Variants in SND1 observed in about 807,000 individuals in gnomAD.
SND1 encodes the protein staphylococcal nuclease and tudor domain containing 1.
Under a neutral mutation model 121.7 loss-of-function variants are expected in SND1, and 38 were observed. The observed-to-expected ratio is 0.31, with a 90% CI of 0.24 to 0.41. SND1 has a LOEUF of 0.41. Ranked by LOEUF, SND1 falls within the 10% of genes least tolerant of loss-of-function variation. The pLI is 1.00. For synonymous variants in SND1, 401 were observed against 447.4 expected, an observed-to-expected ratio of 0.90 and a Z score of 1.31; for missense variants, 868 against 1,184.6, an observed-to-expected ratio of 0.73 and a Z score of 3.92.
At chr7:127,928,372 G>C (rs1800891654) in intron 14 of SND1, among the ~76,000 whole-genome samples, 1 of 152,218 alleles carries the variant, frequency 6.6e-6, no homozygotes, top group Middle Eastern at 3.4e-3. Flanking sequence ...CTGTACTAGT[G>C]CCTGGAGAAG....
In SND1 at chr7:127,820,348, T is replaced by G. The variant is rs763924968; in HGVS notation, c.1242+12775T>G. 8.0e-4 allele frequency among the ~76,000 whole-genome samples: 122 copies of G among 152,260 alleles called. 1 individual carries two copies. Among genetic ancestry groups the G allele is most frequent in the Admixed American group, 1.0e-3 (16 of 15,290 alleles). ...ACATTAGCCAGGTGCTTTTTCACAT[T>G]TTTCCCTAGTTTCTCCTATTGCTAG... On this transcript the variant is annotated intron_variant, in intron 11 of 23. Transcript: ENST00000354725.
chr7:127,908,359 T>TGTGC (rs1491436509), intron 14 of SND1, among the ~76,000 whole-genome samples: 49 of 144,946 alleles, frequency 3.4e-4, no homozygotes, highest in African/African-American at 3.4e-4. Flanking sequence ...TGTGTGTGTG[T>TGTGC]GCGTGCGTGT....
At chr7:127,908,487 A>G (rs536207913) in intron 14 of SND1, among the ~76,000 whole-genome samples, 6 of 152,010 alleles carry the variant, frequency 3.9e-5, no homozygotes, top group Middle Eastern at 3.4e-3. Context: ...GTTATTTCCA[A>G]TTTTTCACAG....
chr7:127,756,715 T>C (rs1203341672), intron 10 of SND1, among the ~76,000 whole-genome samples: 1 of 152,250 alleles, frequency 6.6e-6, no homozygotes, highest in Non-Finnish European at 1.5e-5. Flanking sequence ...ATCACTTACC[T>C]GTCCCCAAAT....
intron 10 of SND1, among the ~76,000 whole-genome samples, chr7:127,804,742 T>TA (rs147212512): frequency 0.29 from 43,136 of 147,192 alleles, 7,400 homozygotes; most frequent in East Asian, 0.7. Flanking sequence ...CCCATATCTT[T>TA]AAAAAAAAAA....
chr7:127,897,708 G>A (rs1417786701), intron 13 of SND1, among the ~76,000 whole-genome samples: 1 of 152,046 alleles, frequency 6.6e-6, no homozygotes, highest in Non-Finnish European at 1.5e-5. Flanking sequence ...ATTCCTCATG[G>A]CATTATCTAT....
chr7:127,884,921 G>A (rs1799865433), intron 12 of SND1, among the ~76,000 whole-genome samples: 1 of 152,058 alleles, frequency 6.6e-6, no homozygotes, highest in Non-Finnish European at 1.5e-5. Context: ...TACTTTCACT[G>A]GTAGGGTTGA....
intron 14 of SND1, among the ~76,000 whole-genome samples, chr7:127,917,019 A>C (rs1800593465): frequency 6.6e-6 from 1 of 152,214 alleles, no homozygotes. Context: ...GGAGAAAGAA[A>C]TGACAATGAT....
At chr7:127,775,421 CAG>C (rs1797600831) in intron 10 of SND1, among the ~76,000 whole-genome samples, 2 of 144,636 alleles carry the variant, frequency 1.4e-5, no homozygotes, top group East Asian at 2.0e-4. Flanking sequence ...AAAAAACACA[CAG>C]AGTTTTTAAG....
rs1185358578 is a variant in SND1, at chr7:127,707,494, C to T, written c.948-63C>T. On this transcript the variant is annotated intron_variant, in intron 8 of 23. Transcript: ENST00000354725. ...TAGGATGCTGCACCAACTGTGCTCC[C>T]ATGGTAGTGGTGGATTCCATTTGCT... The T allele has an allele frequency of 6.0e-6, 8 of 1,329,206 alleles. No homozygotes were observed. In the African/African-American group the frequency reaches 7.2e-5, roughly 12 times the overall value. The allele number at this position is 1,329,206 out of a possible 1,614,324, so 82.3% of individuals were successfully genotyped here.
At chr7:127,876,458 GA>G (rs1349547033) in intron 12 of SND1, among the ~76,000 whole-genome samples, 3 of 152,142 alleles carry the variant, frequency 2.0e-5, no homozygotes, top group Non-Finnish European at 4.4e-5. Context: ...ATACAGGAAT[GA>G]GAGAGATGTC....
intron 16 of SND1, among the ~76,000 whole-genome samples, chr7:128,020,987 A>C (rs932138000): frequency 1.3e-5 from 2 of 152,132 alleles, no homozygotes; most frequent in African/African-American, 4.8e-5. Context: ...CCTCATTTCT[A>C]ATGAAAAAAA....
intron 11 of SND1, among the ~76,000 whole-genome samples, chr7:127,815,427 C>T (rs962855254): frequency 2.0e-5 from 3 of 151,976 alleles, no homozygotes; most frequent in African/African-American, 7.3e-5. Context: ...GAGTTGGAGG[C>T]CGCAGTGAAC....
intron 15 of SND1, among the ~76,000 whole-genome samples, chr7:127,958,708 A>AT (rs752489979): frequency 6.6e-6 from 1 of 152,062 alleles, no homozygotes; most frequent in Non-Finnish European, 1.5e-5. Flanking sequence ...TGCCTGCTCC[A>AT]TTTTGAAAGA....
intron 17 of SND1, among the ~76,000 whole-genome samples, chr7:128,081,000 T>C (rs1584778359): frequency 6.6e-6 from 1 of 151,820 alleles, no homozygotes; most frequent in South Asian, 2.1e-4. Context: ...GTGTCTTTTT[T>C]TTTTCTTCTT....
intron 12 of SND1, among the ~76,000 whole-genome samples, chr7:127,873,434 T>G (rs1205085719): frequency 6.6e-6 from 1 of 152,036 alleles, no homozygotes; most frequent in African/African-American, 2.4e-5. Context: ...CCTTAGACAC[T>G]GCAGCTGGAA....
At chr7:127,700,458 G>A (rs762737261) in intron 4 of SND1, among the ~76,000 whole-genome samples, 4 of 152,156 alleles carry the variant, frequency 2.6e-5, no homozygotes, top group South Asian at 2.1e-4. Context: ...TGATGGCACC[G>A]AGTGTCTGAG....
intron 15 of SND1, among the ~76,000 whole-genome samples, chr7:127,955,663 C>T (rs1232503628): frequency 1.3e-5 from 2 of 152,300 alleles, no homozygotes; most frequent in African/African-American, 4.8e-5. Context: ...GGCATATCAT[C>T]AGCAATCCTT....
At chr7:127,792,179 A>T (rs1179273211) in intron 10 of SND1, among the ~76,000 whole-genome samples, 1 of 152,156 alleles carries the variant, frequency 6.6e-6, no homozygotes, top group East Asian at 1.9e-4. Context: ...TTAACTGTGG[A>T]AGCTCTTTAT....
Sources: allele counts gnomAD v4.1 joint callset (sites outside exome capture counted in the v4.1 genomes callset), GRCh38; gene constraint gnomAD v4.1.1; transcripts MANE v1.5; gene names NCBI Gene and HGNC (gene_info 2026-07-23, HGNC 2026-07-21).